The following DNAH3 variants were observed in gnomAD, a reference collection of about 807,000 sequenced individuals.
The protein encoded by DNAH3 is axonemal beta dynein heavy chain 3.
DNAH3 carries 332 observed loss-of-function variants against 432.5 expected under a neutral mutation model. The observed-to-expected ratio is 0.77, with a 90% CI of 0.70 to 0.84. The LOEUF (loss-of-function observed/expected upper bound fraction) is 0.84. Ranked by LOEUF, DNAH3 falls within the 40% of genes least tolerant of loss-of-function variation. The pLI, the probability that DNAH3 is intolerant of heterozygous loss-of-function variation, is 0.00. For missense variants in DNAH3, 4,861 were observed against 5,114.0 expected, an observed-to-expected ratio of 0.95 and a Z score of 1.51; for synonymous variants, 1,956 against 1,900.2, an observed-to-expected ratio of 1.03 and a Z score of -0.76.
chr16:21,154,114 T>C (rs549815372), intron 1 of DNAH3, among the ~76,000 whole-genome samples: 1 of 152,140 alleles, frequency 6.6e-6, no homozygotes, highest in African/African-American at 2.4e-5. Context: ...AGTGAAAAAT[T>C]AGAATGGGGC....
intron 11 of DNAH3, among the ~76,000 whole-genome samples, chr16:21,118,786 T>G (rs2092267351): frequency 6.6e-6 from 1 of 152,160 alleles, no homozygotes; most frequent in Non-Finnish European, 1.5e-5. Flanking sequence ...CCACGTCTAG[T>G]CACTCTAACT....
At chr16:21,094,262 G>A (rs2091616532) in intron 18 of DNAH3, among the ~76,000 whole-genome samples, 1 of 152,102 alleles carries the variant, frequency 6.6e-6, no homozygotes, top group Non-Finnish European at 1.5e-5. Flanking sequence ...TCACCAAAGA[G>A]GATATACAAA....
chr16:20,946,092 T>A (rs188024698), intron 57 of DNAH3, among the ~76,000 whole-genome samples: 2 of 152,342 alleles, frequency 1.3e-5, no homozygotes, highest in East Asian at 1.9e-4. Context: ...GTTCAGGCCA[T>A]GACGGGAAGT....
intron 25 of DNAH3, 103 bp from the exon 26 acceptor site, chr16:21,060,459 C>T (rs182737054): frequency 3.4e-4 from 274 of 800,208 alleles, no homozygotes; most frequent in Middle Eastern, 2.1e-3. Context: ...TGGAGGGATG[C>T]CAAAGGCTTG....
At chr16:20,983,848 C>A (rs896146148) in intron 48 of DNAH3, among the ~76,000 whole-genome samples, 3 of 151,654 alleles carry the variant, frequency 2.0e-5, no homozygotes, top group African/African-American at 7.3e-5. Context: ...CCCACATCCC[C>A]GTCCCCTATC....
intron 7 of DNAH3, among the ~76,000 whole-genome samples, chr16:21,128,097 G>T (rs895543653): frequency 1.3e-5 from 2 of 152,058 alleles, no homozygotes; most frequent in Non-Finnish European, 2.9e-5. Context: ...AAGTGGGGCT[G>T]TGGCACCAGC....
chr16:21,113,878 C>A (rs2092128431), intron 12 of DNAH3, among the ~76,000 whole-genome samples: 1 of 152,186 alleles, frequency 6.6e-6, no homozygotes, highest in African/African-American at 2.4e-5. Flanking sequence ...AATGAATGTG[C>A]TACAAATATT....
intron 52 of DNAH3, among the ~76,000 whole-genome samples, chr16:20,965,716 T>G (rs993669113): frequency 6.6e-6 from 1 of 152,144 alleles, no homozygotes; most frequent in South Asian, 2.1e-4. Flanking sequence ...TTTTATTTAT[T>G]CATTTATTTA....
At chr16:21,018,373 A>G (rs976359283) in intron 41 of DNAH3, among the ~76,000 whole-genome samples, 4 of 151,800 alleles carry the variant, frequency 2.6e-5, no homozygotes, top group Non-Finnish European at 5.9e-5. Flanking sequence ...ATTTCTGGAT[A>G]GTGGGATTAC....
chr16:21,097,435 ATG>A lies in DNAH3; in HGVS notation c.2583_2584del (p.Met862AlafsTer8). ...CTCATAAGGTACTTTGTTCTTCAGC[ATG>A]GCCTGCAGAAGAGGGTAAGTACTCT... On this transcript the variant is annotated frameshift_variant, in exon 18 of 62. Coordinates refer to ENST00000261383, the Ensembl canonical transcript of DNAH3. LOFTEE classifies it high-confidence loss of function. 6.2e-7 allele frequency: 1 copy of A among 1,613,948 alleles called. No homozygotes were observed. Among genetic ancestry groups the A allele is most frequent in the East Asian group, 2.2e-5 (1 of 44,862 alleles).
intron 49 of DNAH3, among the ~76,000 whole-genome samples, chr16:20,980,531 C>T (rs1308464108): frequency 6.6e-6 from 1 of 151,192 alleles, no homozygotes. Context: ...CACCACCACA[C>T]CCAGCTAATC....
chr16:21,091,153 AAAT>A (rs565242988), intron 18 of DNAH3, among the ~76,000 whole-genome samples: 1 of 151,880 alleles, frequency 6.6e-6, no homozygotes, highest in Non-Finnish European at 1.5e-5. Context: ...ACCCCATCTC[AAAT>A]AATAATAATA....
At chr16:21,100,298 C>T (rs2091804338) in intron 16 of DNAH3, among the ~76,000 whole-genome samples, 1 of 152,184 alleles carries the variant, frequency 6.6e-6, no homozygotes, top group Non-Finnish European at 1.5e-5. Context: ...TCTCGAACTC[C>T]TGACCTCAGG....
intron 35 of DNAH3, 134 bp from the exon 36 acceptor site, chr16:21,034,219 G>C: frequency 1.7e-6 from 1 of 598,720 alleles, no homozygotes; most frequent in Admixed American, 3.0e-5. Context: ...GAGAACTTCG[G>C]TTCTTTTCAT....
At chr16:21,155,095 G>C (rs549958239) in intron 1 of DNAH3, among the ~76,000 whole-genome samples, 3 of 151,686 alleles carry the variant, frequency 2.0e-5, no homozygotes, top group African/African-American at 7.3e-5. Context: ...GATTACAGGC[G>C]TGTGCTAACA....
intron 14 of DNAH3, among the ~76,000 whole-genome samples, chr16:21,109,535 C>T (rs1238472886): frequency 6.6e-6 from 1 of 152,100 alleles, no homozygotes; most frequent in African/African-American, 2.4e-5. Flanking sequence ...TAAAATTACA[C>T]ATATATGAAT....
chr16:21,054,615 A>C (rs1267858040), intron 27 of DNAH3, 81 bp from the exon 28 acceptor site: 6 of 1,072,814 alleles, frequency 5.6e-6, no homozygotes, highest in South Asian at 1.4e-5. Flanking sequence ...GGTACCATGG[A>C]CCACCGGATG....
chr16:21,107,055 A>G (rs774397444), intron 14 of DNAH3, among the ~76,000 whole-genome samples: 5 of 151,868 alleles, frequency 3.3e-5, no homozygotes. Context: ...CGAAAGCAAC[A>G]TGGTATGTGG....
intron 32 of DNAH3, among the ~76,000 whole-genome samples, chr16:21,040,927 C>T (rs953208294): frequency 1.3e-5 from 2 of 152,166 alleles, no homozygotes; most frequent in African/African-American, 4.8e-5. Context: ...CCAGTTAGAG[C>T]TAGAGCCAGG....
Sources: allele counts gnomAD v4.1 joint callset (sites outside exome capture counted in the v4.1 genomes callset), GRCh38; gene constraint gnomAD v4.1.1; transcripts MANE v1.5; gene names NCBI Gene and HGNC (gene_info 2026-07-23, HGNC 2026-07-21).